GRSF1: variants seen among roughly 807,000 people sequenced by gnomAD.
The protein encoded by GRSF1 is G-rich RNA sequence binding factor 1, also known as G-rich sequence factor 1.
In GRSF1, 50 loss-of-function variants were observed where a neutral mutation model predicts 51.1. That is an observed-to-expected ratio of 0.98 (90% CI 0.78 to 1.24). The LOEUF is 1.24. Among genes scored for constraint, GRSF1 ranks in the 50% most tolerant of loss-of-function variants. GRSF1 has a pLI of 0.00. For synonymous variants in GRSF1, 293 were observed against 253.3 expected (o/e 1.16, Z -1.49); for missense variants, 700 against 639.7 (o/e 1.09, Z -1.02).
intron 9 of GRSF1, among the ~76,000 whole-genome samples, chr4:70,821,626 A>G (rs1320473236): frequency 6.7e-6 from 1 of 149,840 alleles, no homozygotes; most frequent in Non-Finnish European, 1.5e-5. Context: ...AAAAAAAGCA[A>G]TAGAATAGGA....
upstream of GRSF1, among the ~76,000 whole-genome samples, chr4:70,840,550 G>A (rs190544993): frequency 1.8e-4 from 28 of 152,258 alleles, 1 homozygote; most frequent in Non-Finnish European, 3.4e-4. Context: ...ATCACCTGAG[G>A]TCAGCAGTTC....
intron 2 of GRSF1, among the ~76,000 whole-genome samples, chr4:70,834,014 C>T (rs973831760): frequency 5.9e-5 from 9 of 152,142 alleles, no homozygotes; most frequent in African/African-American, 2.2e-4. Flanking sequence ...AATCCCAGCC[C>T]TTTGGGAGGC....
chr4:70,827,250 T>C lies in GRSF1; in HGVS notation c.1135+602A>G, dbSNP rs550514860. Among the ~76,000 whole-genome samples, 1,115 of 150,736 alleles carry C rather than the reference T, an allele frequency of 7.4e-3. 10 individuals are homozygous for C. Among genetic ancestry groups the C allele is most frequent in the Non-Finnish European group, 0.012 (787 of 67,806 alleles). On this transcript the variant is annotated intron_variant, in intron 6 of 9. Coordinates refer to ENST00000254799, the MANE Select transcript of GRSF1 (RefSeq NM_002092.4). ...CTGCAGTGAGCCGAGAGTGCGCCAC[T>C]GCACTCCAGCCTGGGCAACAGAGTG...
intron 1 of GRSF1, among the ~76,000 whole-genome samples, chr4:70,838,325 TAGAA>T: frequency 6.6e-6 from 1 of 151,156 alleles, no homozygotes; most frequent in Middle Eastern, 3.5e-3. Flanking sequence ...GTCAATTTCA[TAGAA>T]AAAAAAAGAG....
At chr4:70,825,976 A>G (rs544557826) in intron 7 of GRSF1, 148 bp downstream of exon 7, 11 of 667,742 alleles carry the variant, frequency 1.6e-5, no homozygotes, top group Middle Eastern at 6.1e-4. Flanking sequence ...ACAGAAAAAG[A>G]AGCAAGCTTT....
chr4:70,836,117 A>G, intron 2 of GRSF1, 41 bp downstream of exon 2: 1 of 1,202,022 alleles, frequency 8.3e-7, no homozygotes, highest in Non-Finnish European at 1.1e-6. Flanking sequence ...GAAACAATAT[A>G]AGGAAAAAAA....
chr4:70,835,144 G>C (rs796116535), intron 2 of GRSF1, among the ~76,000 whole-genome samples: 24 of 151,566 alleles, frequency 1.6e-4, no homozygotes, highest in African/African-American at 5.8e-4. Flanking sequence ...TTATGGCTAC[G>C]TAGTATTCCA....
Position 70,830,441 on chromosome 4 carries a change from T to C in GRSF1, c.950+1098A>G, listed in dbSNP as rs568664247. 3.1e-4 allele frequency among the ~76,000 whole-genome samples: 45 copies of C among 147,418 alleles called. 1 individual carries two copies. In the South Asian group the frequency reaches 9.7e-3, roughly 32 times the overall value. On this transcript the variant is annotated intron_variant, in intron 5 of 9. Transcript: ENST00000254799. ...GCCTGGGTGACAGAATAAGACCCTG[T>C]GTCTTAAAAAAAAAAAAAAAACACA...
At position 70,828,001 on chromosome 4, in the gene GRSF1, A is replaced by C; in HGVS notation, c.986T>G (p.Val329Gly). Residue 329 changes from valine to glycine, a missense_variant, in exon 6 of 10, where the codon GTT (valine) becomes GGT (glycine). Transcript: ENST00000254799. Reference sequence around the variant, plus strand: ...CTTATAAGAACCGACATGTGTTCGAACTTCATTCCTTCTGCTTGGAAATAT... The same window carrying C: ...CTTATAAGAACCGACATGTGTTCGACCTTCATTCCTTCTGCTTGGAAATAT... Reference protein sequence around the residue: ...IEIFPSRRNEVRTHVGSYKGK... With the variant: ...IEIFPSRRNEGRTHVGSYKGK... 2 of 1,613,622 alleles carry C rather than the reference A, an allele frequency of 1.2e-6. No homozygotes were observed. Among genetic ancestry groups the C allele is most frequent in the Non-Finnish European group, 1.7e-6 (2 of 1,179,704 alleles).
Position 70,827,448 on chromosome 4 carries a change from ATAAT to A in GRSF1, c.1135+400_1135+403del, listed in dbSNP as rs560828887. ...ATGATTAAATTAAAAACCTAGCAAA[ATAAT>A]TAAGCCTTTCTGCATATACTCAAAG... On this transcript the variant is annotated intron_variant, in intron 6 of 9. Transcript: ENST00000254799. 7.2e-5 allele frequency among the ~76,000 whole-genome samples: 11 copies of A among 152,240 alleles called. No individual in the cohort carries two copies. In the East Asian group the frequency reaches 2.1e-3, roughly 29 times the overall value.
In GRSF1 at chr4:70,839,548, AGGACGCGGC is replaced by A; in HGVS notation, c.271_279del (p.Ala91_Ser93del). 1 of 1,427,620 alleles carries A rather than the reference AGGACGCGGC, an allele frequency of 7.0e-7. No homozygotes were observed. The highest frequency in any genetic ancestry group is 9.1e-7 in the Non-Finnish European group (1 of 1,093,508). The allele number at this position is 1,427,620 out of a possible 1,614,324, so 88.4% of individuals were successfully genotyped here. Reference sequence around the variant, plus strand: ...AGCAGAGAGGCACGGAGGGCAGAGTAGGACGCGGCGGCCGCGGCCGCGGCAGAGGTGGCC... The same window carrying A: ...AGCAGAGAGGCACGGAGGGCAGAGTAGGCCGCGGCCGCGGCAGAGGTGGCC... On this transcript the variant is annotated inframe_deletion, in exon 1 of 10. Coordinates refer to ENST00000254799, the MANE Select transcript of GRSF1 (RefSeq NM_002092.4).
chr4:70,822,148 C>T (rs571514904), intron 9 of GRSF1, among the ~76,000 whole-genome samples: 31 of 151,556 alleles, frequency 2.0e-4, no homozygotes, highest in Admixed American at 8.5e-4. Flanking sequence ...GCAAATCTCA[C>T]GGGTAGGTTA....
chr4:70,827,048 G>T (rs951284145), intron 6 of GRSF1, among the ~76,000 whole-genome samples: 29 of 152,114 alleles, frequency 1.9e-4, no homozygotes, highest in African/African-American at 7.0e-4. Flanking sequence ...AGCACTTTGG[G>T]AAGCAGAGGC....
At chr4:70,826,400 T>C (rs1250848960) in intron 6 of GRSF1, among the ~76,000 whole-genome samples, 155 bp from the exon 7 acceptor site, 14 of 152,122 alleles carry the variant, frequency 9.2e-5, no homozygotes, top group Admixed American at 8.5e-4. Flanking sequence ...TCAACAAATA[T>C]CACCTGAACA....
upstream of GRSF1, chr4:70,840,065 C>CCCGGGGAAGTGGGTGCAA: frequency 4.8e-6 from 2 of 415,996 alleles, no homozygotes; most frequent in Non-Finnish European, 4.3e-6. Context: ...TTGGGCGGGG[C>CCCGGGGAAGTGGGTGCAA]TGCCCATGGT....
At position 70,818,921 on chromosome 4, in the gene GRSF1, T is replaced by C. The variant is rs981783052; in HGVS notation, c.*1966A>G. 6.6e-6 allele frequency: 1 copy of C among 152,114 alleles called. No individual in the cohort carries two copies. Among genetic ancestry groups the C allele is most frequent in the African/African-American group, 2.4e-5 (1 of 41,408 alleles). The allele number at this position is 152,114 out of a possible 1,614,324, so 9.4% of individuals were successfully genotyped here. A position where few individuals can be genotyped will look rare whatever the true frequency, so the allele number is the denominator to read the frequency against. ...CCACTTGCATGGAAATAAGATTACT[T>C]TTACTGTATTATGTGCTTCTCTTCC... On this transcript the variant is annotated 3_prime_UTR_variant, in exon 10 of 10. Coordinates refer to ENST00000254799, the MANE Select transcript of GRSF1 (RefSeq NM_002092.4).
chr4:70,837,890 G>A (rs778945892), intron 1 of GRSF1, among the ~76,000 whole-genome samples: 46 of 151,222 alleles, frequency 3.0e-4, no homozygotes, highest in Non-Finnish European at 5.5e-4. Flanking sequence ...TCCACCCGCC[G>A]CAGCCTCCCA....
chr4:70,840,056 T>C (rs528952781), upstream of GRSF1: 387 of 435,596 alleles, frequency 8.9e-4, 4 homozygotes, highest in South Asian at 6.7e-3. Flanking sequence ...GCCCATGGTT[T>C]GGGCGGGGCT....
chr4:70,832,718 C>T (rs557933965), intron 3 of GRSF1, among the ~76,000 whole-genome samples: 4 of 152,334 alleles, frequency 2.6e-5, no homozygotes, highest in East Asian at 3.9e-4. Flanking sequence ...GAGGCCAAGG[C>T]GGGTGGATTA....
Sources: allele counts gnomAD v4.1 joint callset (sites outside exome capture counted in the v4.1 genomes callset), GRCh38; gene constraint gnomAD v4.1.1; transcripts MANE v1.5; gene names NCBI Gene and HGNC (gene_info 2026-07-23, HGNC 2026-07-21).